MXI1: variants seen among roughly 807,000 people sequenced by gnomAD.
MXI1 encodes the protein MAX interactor 1, dimerization protein.
Under a neutral mutation model 36.9 loss-of-function variants are expected in MXI1, and 18 were observed. The observed-to-expected ratio is 0.49, with a 90% CI of 0.34 to 0.72. The LOEUF (loss-of-function observed/expected upper bound fraction) is 0.72. Ranked by LOEUF, MXI1 falls within the 30% of genes least tolerant of loss-of-function variation. The pLI, the probability that MXI1 is intolerant of heterozygous loss-of-function variation, is 0.01. For missense variants in MXI1, 304 were observed against 379.1 expected (o/e 0.80, Z 1.64); for synonymous variants, 160 against 146.7 (o/e 1.09, Z -0.65).
chr10:110,230,963 A>G (rs1400802417), intron 2 of MXI1, among the ~76,000 whole-genome samples: 3 of 152,240 alleles, frequency 2.0e-5, no homozygotes, highest in Non-Finnish European at 4.4e-5. Flanking sequence ...ACACTGATGT[A>G]TGTTATAAAA....
At chr10:110,218,468 T>G (rs1854713621) in intron 1 of MXI1, among the ~76,000 whole-genome samples, 1 of 149,206 alleles carries the variant, frequency 6.7e-6, no homozygotes, top group African/African-American at 2.5e-5. Flanking sequence ...AAAAAAGATT[T>G]GGAATCTGGA....
chr10:110,268,890 A>C (rs1476484339), intron 3 of MXI1, among the ~76,000 whole-genome samples: 1 of 152,160 alleles, frequency 6.6e-6, no homozygotes, highest in African/African-American at 2.4e-5. Context: ...AAATTCTGTA[A>C]ATTTTATTTT....
At chr10:110,251,675 C>T (rs934766110) in intron 3 of MXI1, among the ~76,000 whole-genome samples, 4 of 152,012 alleles carry the variant, frequency 2.6e-5, no homozygotes, top group African/African-American at 9.7e-5. Context: ...TACTGTGGGT[C>T]ATAGTCAAAA....
At chr10:110,277,908 C>T (rs936168600) in intron 3 of MXI1, among the ~76,000 whole-genome samples, 4 of 152,204 alleles carry the variant, frequency 2.6e-5, no homozygotes, top group African/African-American at 9.7e-5. Flanking sequence ...GAGAATTTCA[C>T]TTGACATTAT....
intron 3 of MXI1, among the ~76,000 whole-genome samples, chr10:110,269,177 T>C (rs1856780352): frequency 6.6e-6 from 1 of 152,224 alleles, no homozygotes; most frequent in Non-Finnish European, 1.5e-5. Context: ...GTTACCACTT[T>C]TAATCGTTTA....
chr10:110,274,938 G>A (rs1468446747), intron 3 of MXI1, among the ~76,000 whole-genome samples: 1 of 146,266 alleles, frequency 6.8e-6, no homozygotes, highest in East Asian at 2.0e-4. Flanking sequence ...GCACTGGCGC[G>A]ATCTCTGCTC....
At chr10:110,236,494 C>A (rs918463541) in intron 2 of MXI1, among the ~76,000 whole-genome samples, 22 of 152,068 alleles carry the variant, frequency 1.4e-4, no homozygotes, top group African/African-American at 5.1e-4. Flanking sequence ...TTCACTCTTT[C>A]ACCCAGGCTG....
intron 4 of MXI1, among the ~76,000 whole-genome samples, 155 bp downstream of exon 4, chr10:110,279,449 TG>T: frequency 6.6e-6 from 1 of 152,372 alleles, no homozygotes; most frequent in East Asian, 1.9e-4. Flanking sequence ...GCTAATCTGA[TG>T]GGAACAACAT....
At chr10:110,237,727 C>T (rs1033122435) in intron 2 of MXI1, among the ~76,000 whole-genome samples, 8 of 152,136 alleles carry the variant, frequency 5.3e-5, no homozygotes, top group African/African-American at 1.9e-4. Flanking sequence ...TCCTACAGCC[C>T]CTTCAGGTTT....
At chr10:110,265,490 A>G (rs113842828) in intron 3 of MXI1, among the ~76,000 whole-genome samples, 8,050 of 152,160 alleles carry the variant, frequency 0.053, 323 homozygotes, top group Middle Eastern at 0.15. Context: ...TCTGATTTGA[A>G]ATTTTTGGTG....
rs999771556 is a variant in MXI1 at position 110,224,752 on chromosome 10, A to G, written c.275-3437A>G. On this transcript the variant is annotated intron_variant, in intron 1 of 5. Transcript: ENST00000332674. ...AACCTCCGCCTCCCGGGTTCAAGCG[A>G]TTCTCGTGCCTCAGCCTCCCGAGTA... Among the ~76,000 whole-genome samples, 14 of 150,820 alleles carry G rather than the reference A, an allele frequency of 9.3e-5. 1 individual carries two copies. In the Admixed American group the frequency reaches 9.3e-4, roughly 10 times the overall value.
intron 2 of MXI1, among the ~76,000 whole-genome samples, chr10:110,243,155 G>C (rs1378756965): frequency 1.3e-5 from 2 of 151,912 alleles, no homozygotes; most frequent in Non-Finnish European, 2.9e-5. Context: ...GGTGATAAAG[G>C]CACACTGTGG....
At chr10:110,251,597 G>A (rs1399507221) in intron 3 of MXI1, among the ~76,000 whole-genome samples, 1 of 152,116 alleles carries the variant, frequency 6.6e-6, no homozygotes, top group African/African-American at 2.4e-5. Flanking sequence ...AAATACCAAA[G>A]TACACTGCAT....
intron 3 of MXI1, among the ~76,000 whole-genome samples, chr10:110,258,118 GA>G (rs1856381503): frequency 6.6e-6 from 1 of 152,250 alleles, no homozygotes; most frequent in East Asian, 1.9e-4. Context: ...ACAAAATTAA[GA>G]AGTATAGTTG....
intron 3 of MXI1, among the ~76,000 whole-genome samples, chr10:110,273,041 C>CTTTTT (rs771024820): frequency 4.7e-4 from 52 of 110,888 alleles, no homozygotes; most frequent in East Asian, 1.2e-3. Flanking sequence ...GCTTGTTTAG[C>CTTTTT]TTTTTTTTTT....
At chr10:110,215,567 A>G (rs1854617515) in intron 1 of MXI1, among the ~76,000 whole-genome samples, 1 of 152,132 alleles carries the variant, frequency 6.6e-6, no homozygotes, top group Non-Finnish European at 1.5e-5. Context: ...CAACCTGGGC[A>G]TTTGTTTCAC....
intron 2 of MXI1, among the ~76,000 whole-genome samples, chr10:110,237,862 A>G (rs930437412): frequency 3.9e-5 from 6 of 152,178 alleles, no homozygotes; most frequent in African/African-American, 7.2e-5. Context: ...TGCAACCTCA[A>G]TCTCCTGGGC....
intron 3 of MXI1, among the ~76,000 whole-genome samples, chr10:110,262,987 T>C (rs1856569061): frequency 6.6e-6 from 1 of 152,206 alleles, no homozygotes; most frequent in Non-Finnish European, 1.5e-5. Context: ...ATTTCCTCCC[T>C]TTCTAGATCA....
intron 3 of MXI1, among the ~76,000 whole-genome samples, chr10:110,273,943 C>G (rs1332561791): frequency 1.3e-5 from 2 of 152,136 alleles, no homozygotes; most frequent in African/African-American, 4.8e-5. Flanking sequence ...ACTTGAAAAA[C>G]ATAATCAAAT....
Sources: allele counts gnomAD v4.1 joint callset (sites outside exome capture counted in the v4.1 genomes callset), GRCh38; gene constraint gnomAD v4.1.1; transcripts MANE v1.5; gene names NCBI Gene and HGNC (gene_info 2026-07-23, HGNC 2026-07-21).